Variants in NAV3 observed in about 807,000 individuals in gnomAD.
NAV3 encodes the protein neuron navigator 3.
A neutral mutation model predicts 244.7 loss-of-function variants in NAV3; 87 were observed. The observed-to-expected ratio is 0.36, with a 90% CI of 0.30 to 0.42. The LOEUF is 0.42. Ranked by LOEUF, NAV3 falls within the 20% of genes least tolerant of loss-of-function variation. NAV3 has a pLI of 1.00. For synonymous variants in NAV3, 1,126 were observed against 1,042.2 expected, an observed-to-expected ratio of 1.08 and a Z score of -1.55; for missense variants, 2,663 against 2,893.3, an observed-to-expected ratio of 0.92 and a Z score of 1.83.
chr12:78,207,887 G>A (rs1177662104), intron 39 of NAV3, among the ~76,000 whole-genome samples: 3 of 152,122 alleles, frequency 2.0e-5, no homozygotes, highest in East Asian at 3.9e-4. Context: ...GTAGAGAGAG[G>A]ACAGACTGAA....
At chr12:78,031,340 T>C (rs1276180910) in intron 9 of NAV3, among the ~76,000 whole-genome samples, 1 of 152,094 alleles carries the variant, frequency 6.6e-6, no homozygotes, top group Non-Finnish European at 1.5e-5. Flanking sequence ...TTGATTTTCT[T>C]TGGGGAGAAT....
chr12:77,605,528 A>G (rs1870632660), intron 2 of NAV3, among the ~76,000 whole-genome samples: 1 of 152,082 alleles, frequency 6.6e-6, no homozygotes, highest in Admixed American at 6.6e-5. Context: ...GTGTGTTGGA[A>G]CTTCTTTAAC....
intron 2 of NAV3, among the ~76,000 whole-genome samples, chr12:77,694,490 A>G (rs976741863): frequency 1.3e-5 from 2 of 151,346 alleles, no homozygotes; most frequent in Non-Finnish European, 2.9e-5. Context: ...AAAAAAAAAA[A>G]GGCAGTCTCT....
At chr12:78,169,149 G>A (rs755691915) in intron 24 of NAV3, among the ~76,000 whole-genome samples, 12 of 151,590 alleles carry the variant, frequency 7.9e-5, no homozygotes, top group Non-Finnish European at 1.8e-4. Flanking sequence ...CTCTCTACTT[G>A]ATTCAGTGGA....
intron 2 of NAV3, among the ~76,000 whole-genome samples, chr12:77,790,989 C>T (rs1012725706): frequency 8.5e-5 from 13 of 152,108 alleles, no homozygotes; most frequent in African/African-American, 2.7e-4. Flanking sequence ...AGAAGGAAAA[C>T]GAAACAACAA....
At chr12:77,903,236 A>T (rs993967532) in intron 1 of NAV3, among the ~76,000 whole-genome samples, 4 of 152,100 alleles carry the variant, frequency 2.6e-5, no homozygotes, top group Non-Finnish European at 4.4e-5. Context: ...CTACCTGACT[A>T]CAAACTATAT....
intron 1 of NAV3, among the ~76,000 whole-genome samples, chr12:77,887,083 G>A (rs960279237): frequency 6.6e-6 from 1 of 152,140 alleles, no homozygotes; most frequent in Non-Finnish European, 1.5e-5. Flanking sequence ...CCATTCTGGA[G>A]AAATAGAGGA....
chr12:77,795,464 C>A (rs1871362447), intron 2 of NAV3, among the ~76,000 whole-genome samples: 2 of 151,988 alleles, frequency 1.3e-5, no homozygotes, highest in African/African-American at 4.8e-5. Flanking sequence ...AGCAAGTTAT[C>A]CAGAAGATCT....
At chr12:77,972,158 G>A (rs1164518119) in intron 5 of NAV3, among the ~76,000 whole-genome samples, 1 of 152,102 alleles carries the variant, frequency 6.6e-6, no homozygotes, top group East Asian at 1.9e-4. Context: ...ATAGGTGCAT[G>A]GGTCATGTGC....
intron 9 of NAV3, among the ~76,000 whole-genome samples, chr12:78,040,699 C>T (rs1880705906): frequency 1.3e-5 from 2 of 152,144 alleles, no homozygotes; most frequent in South Asian, 4.2e-4. Context: ...TGTGTGAGGT[C>T]AATTACTTGT....
intron 1 of NAV3, among the ~76,000 whole-genome samples, chr12:77,841,718 A>G (rs1022200091): frequency 2.6e-5 from 4 of 152,200 alleles, no homozygotes; most frequent in African/African-American, 4.8e-5. Flanking sequence ...GCAAAGACTA[A>G]CATATATACT....
chr12:78,140,639 T>G (rs1956568422), intron 20 of NAV3, among the ~76,000 whole-genome samples: 2 of 152,198 alleles, frequency 1.3e-5, no homozygotes, highest in African/African-American at 2.4e-5. Flanking sequence ...AAACCATGTA[T>G]GTAGTCTGCT....
intron 2 of NAV3, among the ~76,000 whole-genome samples, chr12:77,701,369 A>T (rs1411325503): frequency 6.6e-6 from 1 of 151,938 alleles, no homozygotes; most frequent in East Asian, 1.9e-4. Flanking sequence ...AGCTCCCATG[A>T]ACATATTTGG....
At chr12:78,140,672 G>A (rs1006154322) in intron 20 of NAV3, among the ~76,000 whole-genome samples, 5 of 151,976 alleles carry the variant, frequency 3.3e-5, no homozygotes, top group African/African-American at 9.7e-5. Context: ...TAGTAATGAC[G>A]AGTTGTCCAT....
chr12:78,064,550 T>C (rs1394365370), intron 12 of NAV3, among the ~76,000 whole-genome samples: 3 of 152,074 alleles, frequency 2.0e-5, no homozygotes, highest in Non-Finnish European at 4.4e-5. Flanking sequence ...TCCACCCTTA[T>C]GTATTAATTT....
In NAV3 at chr12:77,641,712, C is replaced by A. The variant is rs1045344761; in HGVS notation, c.72+69446C>A. Among the ~76,000 whole-genome samples, 3 of 151,968 alleles carry A rather than the reference C, an allele frequency of 2.0e-5. No individual in the cohort carries two copies. In the East Asian group the frequency reaches 5.8e-4, roughly 29 times the overall value. Reference sequence around the variant, plus strand: ...ATAACAAGAGGTATTTTCCATTATACATACACCTCCTTCTTCAACACATAT... The same window carrying A: ...ATAACAAGAGGTATTTTCCATTATAAATACACCTCCTTCTTCAACACATAT... On this transcript the variant is annotated intron_variant, in intron 2 of 8. Coordinates refer to the NAV3 transcript ENST00000550042.
At chr12:77,845,470 A>G (rs1876462077) in intron 1 of NAV3, among the ~76,000 whole-genome samples, 1 of 152,172 alleles carries the variant, frequency 6.6e-6, no homozygotes, top group African/African-American at 2.4e-5. Context: ...AAGCATATCT[A>G]CAAATCATCA....
At chr12:77,657,749 C>T (rs1280601065) in intron 2 of NAV3, among the ~76,000 whole-genome samples, 3 of 152,126 alleles carry the variant, frequency 2.0e-5, no homozygotes, top group Non-Finnish European at 4.4e-5. Context: ...CATCCAAAAG[C>T]TTATCCACCA....
chr12:77,631,964 C>T lies in NAV3; in HGVS notation c.72+59698C>T, dbSNP rs75780598. On this transcript the variant is annotated intron_variant, in intron 2 of 8. Coordinates refer to the NAV3 transcript ENST00000550042. The stretch of plus-strand genomic sequence containing the variant: ...AAATCATTAGTACCTTTTCCTTTTC[C>T]AGTCATTGACTGGGTAGTGGTAGAA... Among the ~76,000 whole-genome samples the T allele has an allele frequency of 7.0e-3, 1,067 of 152,304 alleles. 44 individuals carry two copies. In the East Asian group the frequency reaches 0.14, roughly 19 times the overall value.
Sources: gnomAD v4.1 joint callset for allele counts (sites outside exome capture counted in the v4.1 genomes callset) on GRCh38, gnomAD v4.1.1 for gene constraint, MANE v1.5 for transcripts, NCBI Gene and HGNC (gene_info 2026-07-23, HGNC 2026-07-21) for gene names.